ZMYM5: variants seen among roughly 807,000 people sequenced by gnomAD.
ZMYM5 encodes the protein zinc finger MYM-type protein 5.
In ZMYM5, 41 loss-of-function variants were observed where a neutral mutation model predicts 61.8. The ratio of observed to expected loss-of-function variants is 0.66; its 90% CI spans 0.52 to 0.86. ZMYM5 has a LOEUF of 0.86. Ranked by LOEUF, ZMYM5 falls within the 40% of genes least tolerant of loss-of-function variation. The pLI, the probability that ZMYM5 is intolerant of heterozygous loss-of-function variation, is 0.00. For missense variants in ZMYM5, 706 were observed against 786.7 expected (o/e 0.90, Z 1.23); for synonymous variants, 257 against 276.4 (o/e 0.93, Z 0.70).
intron 2 of ZMYM5, among the ~76,000 whole-genome samples, chr13:19,852,873 G>T (rs1299761608): frequency 6.6e-6 from 1 of 152,112 alleles, no homozygotes; most frequent in African/African-American, 2.4e-5. Context: ...TTTGAGAGAG[G>T]GTCTGGCTCT....
chr13:19,839,135 G>T, intron 4 of ZMYM5, 150 bp from the exon 5 acceptor site: 1 of 828,178 alleles, frequency 1.2e-6, no homozygotes, highest in Non-Finnish European at 1.9e-6. Flanking sequence ...CACAATCCCA[G>T]GGGGACTATC....
intron 7 of ZMYM5, among the ~76,000 whole-genome samples, chr13:19,832,922 TG>T (rs1313428784): frequency 7.8e-6 from 1 of 128,000 alleles, no homozygotes; most frequent in Non-Finnish European, 1.7e-5. Flanking sequence ...TTTGTAGAGA[TG>T]GGGTCTTACT....
intron 4 of ZMYM5, among the ~76,000 whole-genome samples, chr13:19,848,855 G>A (rs1046483304): frequency 6.6e-6 from 1 of 151,948 alleles, no homozygotes; most frequent in Non-Finnish European, 1.5e-5. Flanking sequence ...CTCTTGAATA[G>A]CTGGGACTAC....
At position 19,851,746 on chromosome 13, in the gene ZMYM5, T is replaced by C. The variant is rs1234970712; in HGVS notation, c.435A>G (p.Gly145=). 1.3e-6 allele frequency: 2 copies of C among 1,592,292 alleles called. No individual in the cohort carries two copies. Among genetic ancestry groups the C allele is most frequent in the Non-Finnish European group, 1.7e-6 (2 of 1,174,486 alleles). ...CCAAATCGTTGGTTTTGTTTTTAGT[T>C]CCAGGAAGTCCCCATTCGATAAAAC... ...SSCFIEWGLP[G]TKNKTNDLDF... Residue 145 remains glycine, a synonymous_variant, in exon 3 of 8, where the codon GGA becomes GGG. Coordinates refer to ENST00000337963, the MANE Select transcript of ZMYM5 (RefSeq NM_001142684.2).
intron 7 of ZMYM5, among the ~76,000 whole-genome samples, chr13:19,826,550 T>A (rs1890926702): frequency 6.6e-6 from 1 of 150,666 alleles, no homozygotes; most frequent in Non-Finnish European, 1.5e-5. Flanking sequence ...AGGTCAGGAG[T>A]TCGAGACCGG....
chr13:19,824,637 T>C lies in ZMYM5; in HGVS notation c.1850A>G (p.His617Arg). The C allele has an allele frequency of 7.6e-7, 1 of 1,318,584 alleles. No homozygotes were observed. Among genetic ancestry groups the C allele is most frequent in the South Asian group, 1.2e-5 (1 of 80,882 alleles). The allele number at this position is 1,318,584 out of a possible 1,614,324, so 81.7% of individuals were successfully genotyped here. ...NGCKDWQHLS[H>R]ILSKHEESEM... Reference sequence around the variant, plus strand: ...ACTTTCTTCATGTTTACTAAGAATATGTGATAAATGTTGCCAATCTTTGCA... The same window carrying C: ...ACTTTCTTCATGTTTACTAAGAATACGTGATAAATGTTGCCAATCTTTGCA... Residue 617 changes from histidine to arginine, a missense_variant, in exon 8 of 8, where the codon CAT (histidine) becomes CGT (arginine). Coordinates refer to ENST00000337963, the MANE Select transcript of ZMYM5 (RefSeq NM_001142684.2).
In ZMYM5 at chr13:19,824,862, G is replaced by A. The variant is rs770040404; in HGVS notation, c.1625C>T (p.Pro542Leu). Residue 542 changes from proline to leucine, a missense_variant, in exon 8 of 8, where the codon CCG (proline) becomes CTG (leucine). Pro to Leu is a moderately conservative substitution (Grantham distance 98). Around this residue, in one of 2 missense-constraint regions of ZMYM5, gnomAD observed 226 missense variants for 325.0 expected, o/e 0.70. Transcript: ENST00000337963. ...AAAGTTAAAATTTCTTACTTGAGGC[G>A]GAACATTTTCAACAAGAGTGTCCCG... is the stretch of plus-strand genomic sequence containing the variant. ...KQRDTLVENVPPQVRNFNFPK... is the reference protein window; with the variant it reads ...KQRDTLVENVLPQVRNFNFPK... The A allele has an allele frequency of 7.4e-6, 10 of 1,353,252 alleles. No homozygotes were observed. The highest frequency in any genetic ancestry group is 4.6e-5 in the South Asian group (4 of 86,122). 83.8% of individuals were successfully genotyped at this position (1,353,252 alleles called of 1,614,324 possible).
chr13:19,846,853 G>C (rs1953090334), intron 4 of ZMYM5, among the ~76,000 whole-genome samples: 1 of 151,998 alleles, frequency 6.6e-6, no homozygotes, highest in South Asian at 2.1e-4. Flanking sequence ...CTTGAGCCCA[G>C]AAGTTTGAGG....
intron 4 of ZMYM5, among the ~76,000 whole-genome samples, chr13:19,845,383 G>A (rs1204175252): frequency 6.6e-6 from 1 of 152,176 alleles, no homozygotes; most frequent in Non-Finnish European, 1.5e-5. Flanking sequence ...TCTGGCAATG[G>A]CACTAAACCG....
At chr13:19,863,270 C>T (rs1593938769) in intron 1 of ZMYM5, among the ~76,000 whole-genome samples, 180 bp downstream of exon 1, 1 of 151,962 alleles carries the variant, frequency 6.6e-6, no homozygotes, top group African/African-American at 2.4e-5. Context: ...CCCGGCCTCG[C>T]TCGCACTCTC....
At chr13:19,855,368 T>C (rs2138637069) in intron 2 of ZMYM5, among the ~76,000 whole-genome samples, 1 of 152,168 alleles carries the variant, frequency 6.6e-6, no homozygotes, top group East Asian at 1.9e-4. Context: ...GTTCACGCCA[T>C]TCTCCTTCCT....
intron 7 of ZMYM5, among the ~76,000 whole-genome samples, chr13:19,830,509 G>A (rs181807166): frequency 6.6e-6 from 1 of 152,072 alleles, no homozygotes; most frequent in Admixed American, 6.6e-5. Context: ...CAAGTACCTG[G>A]GACTACTGGT....
Position 19,835,553 on chromosome 13 carries a change from G to T in ZMYM5, c.1175C>A (p.Thr392Asn). Residue 392 changes from threonine to asparagine, a missense_variant, in exon 7 of 8, where the codon ACT (threonine) becomes AAT (asparagine). Thr to Asn is a moderately conservative substitution (Grantham distance 65). This residue lies in a region of ZMYM5 where 480 missense variants were observed against 461.7 expected (regional missense o/e 1.04). Transcript: ENST00000337963. ...HCGEYMPSKS[T>N]GNNILVIGGQ... ...TCCAATCACCAGGATGTTGTTTCCA[G>T]TACTCTTACTAGGCATGTACTCTCC... 1 of 1,367,638 alleles carries T rather than the reference G, an allele frequency of 7.3e-7. No individual in the cohort carries two copies. Among genetic ancestry groups the T allele is most frequent in the South Asian group, 1.1e-5 (1 of 88,040 alleles). 84.7% of individuals were successfully genotyped at this position (1,367,638 alleles called of 1,614,324 possible). A position where few individuals can be genotyped will look rare whatever the true frequency, so the allele number is the denominator to read the frequency against.
At chr13:19,851,510 C>T in intron 3 of ZMYM5, 62 bp from the exon 4 acceptor site, 1 of 1,582,094 alleles carries the variant, frequency 6.3e-7, no homozygotes, top group Admixed American at 1.7e-5. Flanking sequence ...TGACTGAAGT[C>T]CTTTAGCGAC....
intron 5 of ZMYM5, 90 bp from the exon 6 acceptor site, chr13:19,837,911 C>G: frequency 7.1e-7 from 1 of 1,400,810 alleles, no homozygotes; most frequent in South Asian, 1.4e-5. Context: ...TTTTCATTTT[C>G]TTATGATTTA....
Position 19,824,608 on chromosome 13 carries a change from T to C in ZMYM5, c.1879A>G (p.Met627Val). The change falls in exon 8 of 8, where the codon ATG becomes GTG. Residue 627 changes from methionine (M) to valine (V), a missense_variant. Met to Val is a conservative substitution (Grantham distance 21). Transcript: ENST00000337963. ...HILSKHEESE[M>V]HVNNSVKYSK... is the part of the protein sequence containing the mutation. The stretch of plus-strand genomic sequence containing the variant: ...TACTTAACACTATTGTTGACGTGCA[T>C]TTCACTTTCTTCATGTTTACTAAGA... 1 of 1,313,380 alleles carries C rather than the reference T, an allele frequency of 7.6e-7. No homozygotes were observed. Among genetic ancestry groups the C allele is most frequent in the Non-Finnish European group, 1.0e-6 (1 of 994,302 alleles). The allele number at this position is 1,313,380 out of a possible 1,614,324, so 81.4% of individuals were successfully genotyped here.
At chr13:19,830,524 A>T (rs894673162) in intron 7 of ZMYM5, among the ~76,000 whole-genome samples, 3 of 151,858 alleles carry the variant, frequency 2.0e-5, no homozygotes, top group Admixed American at 2.0e-4. Flanking sequence ...ACTGGTATGA[A>T]CCACCATGCC....
chr13:19,859,760 T>C (rs923302824), intron 2 of ZMYM5, among the ~76,000 whole-genome samples: 1 of 151,934 alleles, frequency 6.6e-6, no homozygotes, highest in Non-Finnish European at 1.5e-5. Flanking sequence ...ATGCAATATA[T>C]GTAACACCTA....
At chr13:19,837,511 CTAACATA>C in intron 6 of ZMYM5, 138 bp downstream of exon 6, 1 of 1,598,494 alleles carries the variant, frequency 6.3e-7, no homozygotes, top group Non-Finnish European at 8.5e-7. Context: ...TAAGATAGTT[CTAACATA>C]TCCTTATTCT....
Sources: allele counts gnomAD v4.1 joint callset (sites outside exome capture counted in the v4.1 genomes callset), GRCh38; gene constraint gnomAD v4.1.1; regional missense constraint gnomAD v4.1.1; transcripts MANE v1.5; gene names NCBI Gene and HGNC (gene_info 2026-07-23, HGNC 2026-07-21).